SLC9A9: variants seen among roughly 807,000 people sequenced by gnomAD.
The protein encoded by SLC9A9 is solute carrier family 9 member A9.
SLC9A9 carries 62 observed loss-of-function variants against 77.8 expected under a neutral mutation model. The ratio of observed to expected loss-of-function variants is 0.80; its 90% CI spans 0.65 to 0.98. The LOEUF (loss-of-function observed/expected upper bound fraction) is 0.98, where lower values mean the gene tolerates loss of function less well. Ranked by LOEUF, SLC9A9 falls within the 50% of genes least tolerant of loss-of-function variation. The probability of loss-of-function intolerance (pLI) is 0.00; values close to 1 mark genes in which losing one functional copy is unlikely to be tolerated. For synonymous variants in SLC9A9, 320 were observed against 283.5 expected (o/e 1.13, Z -1.29); for missense variants, 775 against 774.9 (o/e 1.00, Z 0.00).
chr3:143,678,754 A>G (rs1932969990), intron 5 of SLC9A9, among the ~76,000 whole-genome samples: 2 of 152,222 alleles, frequency 1.3e-5, no homozygotes, highest in South Asian at 4.1e-4. Context: ...AAGCTTTAAG[A>G]TAATTTTATC....
At chr3:143,646,160 T>C (rs1486673312) in intron 6 of SLC9A9, among the ~76,000 whole-genome samples, 2 of 151,998 alleles carry the variant, frequency 1.3e-5, no homozygotes, top group Non-Finnish European at 2.9e-5. Flanking sequence ...TGCTCTATTT[T>C]GGTAAATATA....
At chr3:143,423,020 G>T (rs1215422256) in intron 12 of SLC9A9, among the ~76,000 whole-genome samples, 2 of 152,028 alleles carry the variant, frequency 1.3e-5, no homozygotes, top group Non-Finnish European at 2.9e-5. Flanking sequence ...CTAGTGGCAC[G>T]CAATATAGTA....
At chr3:143,662,956 TTGAGATC>T (rs369016399) in intron 5 of SLC9A9, among the ~76,000 whole-genome samples, 1,528 of 152,178 alleles carry the variant, frequency 0.01, 32 homozygotes, top group African/African-American at 0.035. Flanking sequence ...AGCACAGAGT[TTGAGATC>T]TGAGAACTGA....
intron 6 of SLC9A9, among the ~76,000 whole-genome samples, chr3:143,586,575 C>T (rs1283828604): frequency 6.6e-6 from 1 of 152,076 alleles, no homozygotes; most frequent in African/African-American, 2.4e-5. Context: ...AGAAGTGGAT[C>T]CTTATCTATT....
At chr3:143,486,380 T>C (rs903400427) in intron 11 of SLC9A9, among the ~76,000 whole-genome samples, 3 of 152,030 alleles carry the variant, frequency 2.0e-5, no homozygotes, top group Non-Finnish European at 4.4e-5. Context: ...GAGAACTCAG[T>C]AAAGGTAAAT....
At chr3:143,316,150 A>G (rs1038307690) in intron 14 of SLC9A9, among the ~76,000 whole-genome samples, 1 of 152,216 alleles carries the variant, frequency 6.6e-6, no homozygotes, top group African/African-American at 2.4e-5. Context: ...GCCCAGGCAG[A>G]AACATTTCCC....
chr3:143,837,208 C>T (rs1447291063), intron 1 of SLC9A9, among the ~76,000 whole-genome samples: 1 of 152,218 alleles, frequency 6.6e-6, no homozygotes, highest in Non-Finnish European at 1.5e-5. Flanking sequence ...ACAGAGTTCC[C>T]TGCTGCTTGG....
intron 12 of SLC9A9, among the ~76,000 whole-genome samples, chr3:143,456,612 T>G (rs867526950): frequency 8.6e-5 from 13 of 152,014 alleles, no homozygotes; most frequent in Middle Eastern, 3.4e-3. Flanking sequence ...TCGCCCAGGC[T>G]GGAGTGCAGT....
intron 2 of SLC9A9, among the ~76,000 whole-genome samples, chr3:143,831,534 G>A (rs1025970396): frequency 2.6e-5 from 4 of 152,160 alleles, no homozygotes; most frequent in African/African-American, 9.7e-5. Context: ...ACATAGCCAA[G>A]TGGCCAGTGT....
intron 11 of SLC9A9, among the ~76,000 whole-genome samples, chr3:143,491,522 T>C (rs1413365069): frequency 2.0e-5 from 3 of 152,156 alleles, no homozygotes; most frequent in Non-Finnish European, 4.4e-5. Flanking sequence ...GTTTGCTGAC[T>C]CCTGGCTTTA....
At chr3:143,296,475 C>G (rs1220364862) in intron 14 of SLC9A9, among the ~76,000 whole-genome samples, 1 of 152,164 alleles carries the variant, frequency 6.6e-6, no homozygotes, top group Non-Finnish European at 1.5e-5. Context: ...CTGATGGACA[C>G]AGCTCAATTT....
At chr3:143,707,429 A>C (rs1476870403) in intron 4 of SLC9A9, among the ~76,000 whole-genome samples, 1 of 151,862 alleles carries the variant, frequency 6.6e-6, no homozygotes, top group East Asian at 1.9e-4. Flanking sequence ...CATGATTCCT[A>C]TTTTATAAAC....
In SLC9A9 at chr3:143,598,104, T is replaced by C. The variant is rs549620313; in HGVS notation, c.756-19381A>G. 5.9e-5 allele frequency among the ~76,000 whole-genome samples: 9 copies of C among 152,264 alleles called. 1 individual carries two copies. The highest frequency in any genetic ancestry group is 2.2e-4 in the African/African-American group (9 of 41,552). On this transcript the variant is annotated intron_variant, in intron 6 of 15. Transcript: ENST00000316549. ...TGCTTTTGAACACATTCTCAACTTT[T>C]ATCTTTTTTTTTTTAAATGAAAATG...
intron 8 of SLC9A9, among the ~76,000 whole-genome samples, chr3:143,571,224 C>T (rs537423822): frequency 1.1e-3 from 172 of 152,258 alleles, no homozygotes; most frequent in African/African-American, 3.8e-3. Context: ...CAAGGCTCCA[C>T]GATTGCTGGT....
At chr3:143,741,815 T>A (rs893466524) in intron 4 of SLC9A9, among the ~76,000 whole-genome samples, 1 of 151,960 alleles carries the variant, frequency 6.6e-6, no homozygotes, top group Non-Finnish European at 1.5e-5. Context: ...GTGAAAGAGA[T>A]CTAACTTAAC....
At chr3:143,462,005 T>C (rs1305243340) in intron 12 of SLC9A9, among the ~76,000 whole-genome samples, 1 of 152,214 alleles carries the variant, frequency 6.6e-6, no homozygotes, top group South Asian at 2.1e-4. Context: ...TGGGTATAAA[T>C]GATAAATAAA....
intron 2 of SLC9A9, among the ~76,000 whole-genome samples, 184 bp from the exon 3 acceptor site, chr3:143,797,087 T>C (rs915242433): frequency 6.6e-6 from 1 of 151,640 alleles, no homozygotes; most frequent in African/African-American, 2.4e-5. Flanking sequence ...AGTATAACTG[T>C]AGCTTCTAAA....
intron 4 of SLC9A9, among the ~76,000 whole-genome samples, chr3:143,735,542 A>T (rs1458650667): frequency 6.6e-6 from 1 of 152,224 alleles, no homozygotes; most frequent in Admixed American, 6.5e-5. Context: ...CCTGGCATAC[A>T]CGAGTTCAGG....
intron 12 of SLC9A9, among the ~76,000 whole-genome samples, chr3:143,413,784 G>C (rs2034141517): frequency 6.8e-6 from 1 of 146,308 alleles, no homozygotes; most frequent in South Asian, 2.1e-4. Context: ...TATTAACTGT[G>C]TGTGTGTGTG....
Sources: gnomAD v4.1 joint callset for allele counts (sites outside exome capture counted in the v4.1 genomes callset) on GRCh38, gnomAD v4.1.1 for gene constraint, MANE v1.5 for transcripts, NCBI Gene and HGNC (gene_info 2026-07-23, HGNC 2026-07-21) for gene names.